The following SIN3B variants were observed in gnomAD, a reference collection of about 807,000 sequenced individuals.
SIN3B encodes the protein SIN3 transcription regulator family member B.
In SIN3B, 19 loss-of-function variants were observed where a neutral mutation model predicts 120.2. That is an observed-to-expected ratio of 0.16 (90% CI 0.11 to 0.23). The LOEUF is 0.23. SIN3B is among the 10% of genes least tolerant of loss of function. The pLI is 1.00. For missense variants in SIN3B, 1,073 were observed against 1,573.0 expected (o/e 0.68, Z 5.38); for synonymous variants, 654 against 653.2 (o/e 1.00, Z -0.02).
At chr19:16,834,683 T>C (rs1971322899) in intron 3 of SIN3B, among the ~76,000 whole-genome samples, 1 of 152,148 alleles carries the variant, frequency 6.6e-6, no homozygotes, top group Non-Finnish European at 1.5e-5. Flanking sequence ...CCAGTTGATA[T>C]TGACACAGGT....
In SIN3B at chr19:16,850,445, G is replaced by GT. The variant is rs750429560; in HGVS notation, c.727-958dup. Among the ~76,000 whole-genome samples, 285 of 150,876 alleles carry GT rather than the reference G, an allele frequency of 1.9e-3. 1 individual carries two copies. The highest frequency in any genetic ancestry group is 3.4e-3 in the Middle Eastern group (1 of 292). On this transcript the variant is annotated intron_variant, in intron 5 of 18. Coordinates refer to ENST00000248054, the MANE Select transcript of SIN3B (RefSeq NM_001297595.2). ...CCTTGGGTTTTTGGGGTTTTTCCTT[G>GT]TTTTTTTTTGTTTGTTTGTTTTATT...
chr19:16,848,331 GTTT>G (rs1424473157), intron 5 of SIN3B, among the ~76,000 whole-genome samples: 21 of 149,658 alleles, frequency 1.4e-4, no homozygotes, highest in Admixed American at 1.3e-3. Context: ...CCTCTAAACT[GTTT>G]TCTACAGTGA....
chr19:16,876,737 C>T lies in SIN3B; in HGVS notation c.2859+159C>T, dbSNP rs1568428754. 2.6e-5 allele frequency among the ~76,000 whole-genome samples: 4 copies of T among 152,140 alleles called. No individual in the cohort carries two copies. The highest frequency in any genetic ancestry group is 9.7e-5 in the African/African-American group (4 of 41,440). On this transcript the variant is annotated intron_variant, in intron 16 of 18. Transcript: ENST00000248054. The surrounding 1 kb of genome is among the most constrained non-coding windows in gnomAD (Gnocchi z 7.1). ...GAGGCCTGGTGGGTGGGGTTGCCTC[C>T]CTCCCTGCTCCCCCACCAGGCTCTC... is the stretch of plus-strand genomic sequence containing the variant.
At chr19:16,867,333 G>A (rs1971789960) in intron 12 of SIN3B, among the ~76,000 whole-genome samples, 1 of 152,164 alleles carries the variant, frequency 6.6e-6, no homozygotes, top group South Asian at 2.1e-4. Context: ...CATTGGGTTC[G>A]AGGCTTTCGG....
chr19:16,831,094 G>A lies in SIN3B; in HGVS notation c.228-400G>A, dbSNP rs149326214. 6.0e-5 allele frequency among the ~76,000 whole-genome samples: 9 copies of A among 149,286 alleles called. No homozygotes were observed. The East Asian group carries it at 1.8e-3, about 29-fold the overall frequency. ...TTTTTTTTTTTTGAGATGGATTCTC[G>A]TGCTGTCGCCCAGGCTGGAGTGCAG... On this transcript the variant is annotated intron_variant, in intron 2 of 18. Transcript: ENST00000248054.
In SIN3B at chr19:16,849,058, T is replaced by G. The variant is rs1398177791; in HGVS notation, c.726+1945T>G. On this transcript the variant is annotated intron_variant, in intron 5 of 18. Transcript: ENST00000248054. ...AGATTTTTAGTGTGTATTGGTTTATTAGAGCTATCTTGTATATTTAGAAAG... is the reference window on the plus strand; with the variant it reads ...AGATTTTTAGTGTGTATTGGTTTATGAGAGCTATCTTGTATATTTAGAAAG... Among the ~76,000 whole-genome samples the G allele has an allele frequency of 2.0e-5, 3 of 152,360 alleles. No homozygotes were observed. In the East Asian group the frequency reaches 5.8e-4, roughly 29 times the overall value.
chr19:16,863,848 C>T, intron 10 of SIN3B, 52 bp downstream of exon 10: 1 of 1,278,426 alleles, frequency 7.8e-7, no homozygotes, highest in South Asian at 1.2e-5. Context: ...TTCCCCTTCT[C>T]CATGGGACAT....
chr19:16,867,039 G>T (rs1971785312), intron 12 of SIN3B, among the ~76,000 whole-genome samples: 1 of 152,202 alleles, frequency 6.6e-6, no homozygotes, highest in African/African-American at 2.4e-5. Flanking sequence ...ACATGCGTAA[G>T]CCACCGCTCC....
intron 5 of SIN3B, among the ~76,000 whole-genome samples, chr19:16,849,660 A>G (rs149633647): frequency 1.3e-3 from 203 of 152,354 alleles, no homozygotes; most frequent in African/African-American, 4.7e-3. Context: ...CTGTTGGGGA[A>G]GATCTGCTAT....
chr19:16,871,281 C>G lies in SIN3B; in HGVS notation c.2475C>G (p.Ser825Arg), dbSNP rs1335450494. The change falls in exon 14 of 19, where the codon AGC becomes AGG. Residue 825 changes from serine to arginine, a missense_variant. Ser to Arg is a moderately radical substitution (Grantham distance 110). Transcript: ENST00000248054. ...YYPAFLDMVRSLLEGSIDPTQ... is the reference protein window; with the variant it reads ...YYPAFLDMVRRLLEGSIDPTQ... Reference sequence around the variant, plus strand: ...CGGCCTTCCTGGACATGGTGCGGAGCCTGCTGGAGGGCAGCATCGACCCCA... The same window carrying G: ...CGGCCTTCCTGGACATGGTGCGGAGGCTGCTGGAGGGCAGCATCGACCCCA... 3 of 1,614,210 alleles carry G rather than the reference C, an allele frequency of 1.9e-6. No homozygotes were observed. Among genetic ancestry groups the G allele is most frequent in the South Asian group, 1.1e-5 (1 of 91,080 alleles).
intron 4 of SIN3B, among the ~76,000 whole-genome samples, chr19:16,845,150 T>C (rs1451740091): frequency 6.6e-6 from 1 of 152,226 alleles, no homozygotes; most frequent in Non-Finnish European, 1.5e-5. Flanking sequence ...GAACTGACTG[T>C]CTCTGCAGCA....
intron 2 of SIN3B, 28 bp downstream of exon 2, chr19:16,829,925 G>A: frequency 6.5e-7 from 1 of 1,541,534 alleles, no homozygotes; most frequent in Non-Finnish European, 9.0e-7. Flanking sequence ...CTCCACCTCA[G>A]GGGACCCCCC....
At chr19:16,856,558 G>A (rs1190754591) in intron 8 of SIN3B, among the ~76,000 whole-genome samples, 3 of 151,810 alleles carry the variant, frequency 2.0e-5, no homozygotes, top group African/African-American at 4.8e-5. Flanking sequence ...AGAGCATGGA[G>A]AAAAATACAC....
At chr19:16,844,826 C>T (rs963238571) in intron 4 of SIN3B, among the ~76,000 whole-genome samples, 8 of 152,144 alleles carry the variant, frequency 5.3e-5, no homozygotes, top group Non-Finnish European at 2.9e-5. Flanking sequence ...CTGGTGGCAG[C>T]CTGTGAATTA....
Position 16,876,071 on chromosome 19 carries a change from G to A in SIN3B, c.2609G>A (p.Ser870Asn), listed in dbSNP as rs762395678. The A allele has an allele frequency of 8.9e-6, 14 of 1,567,464 alleles. No homozygotes were observed. The South Asian group carries it at 1.4e-4, about 16-fold the overall frequency. ...NIARQLHHLV[S>N]DDVCLKVVEL... Reference sequence around the variant, plus strand: ...TCCCGCCAGCTGCACCACCTCGTGAGCGATGACGTCTGCCTGAAGGTGGTG... The same window carrying A: ...TCCCGCCAGCTGCACCACCTCGTGAACGATGACGTCTGCCTGAAGGTGGTG... Residue 870 changes from serine (S) to asparagine (N), a missense_variant, in exon 15 of 19, where the codon AGC (serine) becomes AAC (asparagine). Transcript: ENST00000248054. The surrounding 1 kb of genome is among the most constrained non-coding windows in gnomAD (Gnocchi z 7.1).
rs1435359413 is a variant in SIN3B at position 16,846,836 on chromosome 19, AC to A, written c.583-133del. 3.2e-6 allele frequency: 3 copies of A among 941,460 alleles called. No individual in the cohort carries two copies. In the Admixed American group the frequency reaches 7.3e-5, roughly 23 times the overall value. The allele number at this position is 941,460 out of a possible 1,614,324, so 58.3% of individuals were successfully genotyped here. On this transcript the variant is annotated intron_variant, in intron 4 of 18. Transcript: ENST00000248054. ...GGCAGCAAGATCCACAAGTGTGCAG[AC>A]AGGACCCTGCGGGCAGGTGCTCTTT...
chr19:16,838,805 G>T (rs937241090), intron 3 of SIN3B, among the ~76,000 whole-genome samples: 14 of 151,702 alleles, frequency 9.2e-5, no homozygotes, highest in African/African-American at 2.4e-4. Context: ...CCAAGTAGCC[G>T]GGATTACAAG....
At chr19:16,849,000 A>ACTCTCAAAT (rs1162144832) in intron 5 of SIN3B, among the ~76,000 whole-genome samples, 2 of 152,120 alleles carry the variant, frequency 1.3e-5, no homozygotes, top group East Asian at 3.9e-4. Context: ...AGAGCATGAG[A>ACTCTCAAAT]CTCTCAAATA....
chr19:16,862,330 C>T lies in SIN3B; in HGVS notation c.1059-22C>T. The T allele has an allele frequency of 6.3e-7, 1 of 1,599,250 alleles. No homozygotes were observed. The highest frequency in any genetic ancestry group is 1.7e-5 in the Admixed American group (1 of 59,828). On this transcript the variant is annotated intron_variant, in intron 8 of 18. Coordinates refer to ENST00000248054, the MANE Select transcript of SIN3B (RefSeq NM_001297595.2). The surrounding 1 kb of genome is among the most constrained non-coding windows in gnomAD (Gnocchi z 4.7). ...AGAAGGCCCTGGGGATGACCAGTTA[C>T]CATGTGTCTTTATCTTTGAAGGAAA...
Sources: allele counts gnomAD v4.1 joint callset (sites outside exome capture counted in the v4.1 genomes callset), GRCh38; gene constraint gnomAD v4.1.1; non-coding constraint Gnocchi (gnomAD v3.1); transcripts MANE v1.5; gene names NCBI Gene and HGNC (gene_info 2026-07-23, HGNC 2026-07-21).